The following DNAH5 variants were observed in gnomAD, a reference collection of about 807,000 sequenced individuals.
DNAH5 encodes axonemal beta dynein heavy chain 5.
DNAH5 carries 372 observed loss-of-function variants against 518.2 expected under a neutral mutation model. The ratio of observed to expected loss-of-function variants is 0.72; its 90% CI spans 0.66 to 0.78. The LOEUF is 0.78. Ranked by LOEUF, DNAH5 falls within the 30% of genes least tolerant of loss-of-function variation. DNAH5 has a pLI of 0.00. For missense variants in DNAH5, 5,523 were observed against 5,687.0 expected (o/e 0.97, Z 0.93); for synonymous variants, 2,039 against 2,025.9 (o/e 1.01, Z -0.17).
intron 51 of DNAH5, among the ~76,000 whole-genome samples, chr5:13,787,286 GA>G (rs1391102875): frequency 1.3e-5 from 2 of 151,880 alleles, no homozygotes; most frequent in African/African-American, 4.8e-5. Context: ...TAGTAATAGG[GA>G]AAAAAGGGAC....
chr5:13,701,845 A>G (rs892991106), intron 76 of DNAH5, among the ~76,000 whole-genome samples: 1 of 152,228 alleles, frequency 6.6e-6, no homozygotes, highest in African/African-American at 2.4e-5. Context: ...ATAACACATA[A>G]AAAAGGATTT....
chr5:13,751,992 C>G, intron 64 of DNAH5, 142 bp downstream of exon 64: 1 of 859,070 alleles, frequency 1.2e-6, no homozygotes, highest in Non-Finnish European at 1.9e-6. Context: ...AATCCAAAGT[C>G]AAGAAGTGTA....
At chr5:13,772,661 A>T (rs895139603) in intron 55 of DNAH5, among the ~76,000 whole-genome samples, 3 of 152,250 alleles carry the variant, frequency 2.0e-5, no homozygotes, top group Non-Finnish European at 4.4e-5. Flanking sequence ...AAATTCATAC[A>T]TATAAAAAAC....
intron 32 of DNAH5, among the ~76,000 whole-genome samples, chr5:13,842,880 C>T (rs1310947136): frequency 6.6e-6 from 1 of 152,100 alleles, no homozygotes; most frequent in East Asian, 1.9e-4. Context: ...GAAACAGCTG[C>T]TAAGAACAAA....
intron 21 of DNAH5, among the ~76,000 whole-genome samples, chr5:13,880,418 G>C (rs1437935384): frequency 6.6e-6 from 1 of 152,040 alleles, no homozygotes; most frequent in Admixed American, 6.5e-5. Flanking sequence ...ATACTGTAAT[G>C]GTGGTGGGTA....
intron 14 of DNAH5, 82 bp from the exon 15 acceptor site, chr5:13,900,494 G>C (rs1466097349): frequency 8.6e-7 from 1 of 1,163,002 alleles, no homozygotes; most frequent in African/African-American, 1.5e-5. Flanking sequence ...TAGGAATAAG[G>C]ATCATTAAAT....
Position 13,859,576 on chromosome 5 carries a change from T to C in DNAH5, c.4826A>G (p.Gln1609Arg). The change falls in exon 30 of 79, where the codon CAA becomes CGA. Residue 1609 changes from glutamine (Q) to arginine (R), a missense_variant. Around this residue, in one of 3 missense-constraint regions of DNAH5, gnomAD observed 5,121 missense variants for 5,223.3 expected, o/e 0.98. Coordinates refer to ENST00000265104, the MANE Select transcript of DNAH5 (RefSeq NM_001369.3). The part of the protein sequence containing the change: ...RYNMPFKAQI[Q>R]KWVQYLSNST... ...GTTGGAAAGGTACTGCACCCATTTT[T>C]GAATCTGGGCTTTGAATGGCATATT... 1.2e-6 allele frequency: 2 copies of C among 1,614,154 alleles called. No homozygotes were observed. Among genetic ancestry groups the C allele is most frequent in the Non-Finnish European group, 1.7e-6 (2 of 1,179,982 alleles).
At chr5:13,985,829 CT>C (rs1783016258) in intron 1 of DNAH5, among the ~76,000 whole-genome samples, 1 of 152,166 alleles carries the variant, frequency 6.6e-6, no homozygotes, top group Admixed American at 6.5e-5. Flanking sequence ...ATGAGAACCC[CT>C]GACCCGACTC....
Position 13,890,956 on chromosome 5 carries a change from A to C in DNAH5, c.2577+20T>G, listed in dbSNP as rs1268619816. ...GAATCACCAAAAACCTTAAACAAAA[A>C]AAATCAAGGTTTTAATGACCTTTGT... On this transcript the variant is annotated intron_variant, in intron 17 of 78. Transcript: ENST00000265104. 7 of 1,613,738 alleles carry C rather than the reference A, an allele frequency of 4.3e-6. No individual in the cohort carries two copies. Among genetic ancestry groups the C allele is most frequent in the African/African-American group, 1.3e-5 (1 of 74,908 alleles).
chr5:13,902,157 T>C lies in DNAH5; in HGVS notation c.1645-19A>G. The C allele has an allele frequency of 6.5e-7, 1 of 1,548,464 alleles. No individual in the cohort carries two copies. The highest frequency in any genetic ancestry group is 8.9e-7 in the Non-Finnish European group (1 of 1,123,982). On this transcript the variant is annotated intron_variant, in intron 12 of 78. Transcript: ENST00000265104. ...ACTCGTTCTAAAACAGAATAAAATCTGATGATGAACAATAGAATTGGGAAT... is the reference window on the plus strand; with the variant it reads ...ACTCGTTCTAAAACAGAATAAAATCCGATGATGAACAATAGAATTGGGAAT...
intron 65 of DNAH5, among the ~76,000 whole-genome samples, chr5:13,748,189 A>T (rs1749677395): frequency 6.6e-6 from 1 of 152,236 alleles, no homozygotes; most frequent in East Asian, 1.9e-4. Context: ...AGATAGTTGT[A>T]GATGTGTGGT....
At chr5:13,993,677 A>G (rs10214131) in intron 1 of DNAH5, among the ~76,000 whole-genome samples, 2,737 of 152,340 alleles carry the variant, frequency 0.018, 82 homozygotes, top group African/African-American at 0.063. Flanking sequence ...CTTCACATGC[A>G]TGAGCACAGC....
At chr5:13,718,614 T>G (rs1352305604) in intron 72 of DNAH5, among the ~76,000 whole-genome samples, 1 of 151,732 alleles carries the variant, frequency 6.6e-6, no homozygotes, top group African/African-American at 2.4e-5. Context: ...TTGTTCATTT[T>G]TGATATTAAT....
intron 9 of DNAH5, among the ~76,000 whole-genome samples, chr5:13,915,680 A>G (rs1273122670): frequency 6.6e-6 from 1 of 152,130 alleles, no homozygotes; most frequent in East Asian, 1.9e-4. Context: ...TAGTATTCAG[A>G]ACACGAGTCT....
intron 4 of DNAH5, among the ~76,000 whole-genome samples, 185 bp from the exon 5 acceptor site, chr5:13,922,513 G>A (rs1777421120): frequency 6.6e-6 from 1 of 151,964 alleles, no homozygotes; most frequent in African/African-American, 2.4e-5. Context: ...GATCACTTGA[G>A]GTCAGGTGTT....
chr5:13,697,995 T>A (rs1221482364), intron 78 of DNAH5, among the ~76,000 whole-genome samples: 1 of 152,144 alleles, frequency 6.6e-6, no homozygotes, highest in Non-Finnish European at 1.5e-5. Flanking sequence ...GGTGATTGGG[T>A]CAAAAGGGTG....
At chr5:13,814,557 A>C (rs1455940996) in intron 43 of DNAH5, 48 bp downstream of exon 43, 1 of 1,595,486 alleles carries the variant, frequency 6.3e-7, no homozygotes, top group South Asian at 1.1e-5. Flanking sequence ...AGAATGCTAA[A>C]GGATCTGTTT....
rs1445808 is a variant in DNAH5 at position 13,871,221 on chromosome 5, T to C, written c.3599-219A>G. ...ACAACTCAACACACATTTCAAAATG[T>C]TTTTTTAAAAAAGCACATATCAGAA... On this transcript the variant is annotated intron_variant, in intron 23 of 78. Coordinates refer to ENST00000265104, the MANE Select transcript of DNAH5 (RefSeq NM_001369.3). Among the ~76,000 whole-genome samples the C allele has an allele frequency of 0.41, 61,689 of 152,036 alleles. 12,763 individuals are homozygous for C. Among genetic ancestry groups the C allele is most frequent in the South Asian group, 0.46 (2,241 of 4,822 alleles).
intron 31 of DNAH5, among the ~76,000 whole-genome samples, chr5:13,850,032 G>C (rs1305884055): frequency 2.6e-5 from 4 of 152,192 alleles, no homozygotes; most frequent in Admixed American, 2.6e-4. Context: ...CTGTCTCCCA[G>C]AGTGGGCCAA....
Sources: gnomAD v4.1 joint callset for allele counts (sites outside exome capture counted in the v4.1 genomes callset) on GRCh38, gnomAD v4.1.1 for gene constraint, gnomAD v4.1.1 regional missense constraint, MANE v1.5 for transcripts, NCBI Gene and HGNC (gene_info 2026-07-23, HGNC 2026-07-21) for gene names.